NIPAL2: variants seen among roughly 807,000 people sequenced by gnomAD.
The protein encoded by NIPAL2 is NIPA like domain containing 2.
Under a neutral mutation model 48.9 loss-of-function variants are expected in NIPAL2, and 43 were observed. The ratio of observed to expected loss-of-function variants is 0.88; its 90% confidence interval spans 0.69 to 1.13. The LOEUF (loss-of-function observed/expected upper bound fraction) is 1.13. Among genes scored for constraint, NIPAL2 ranks in the 50% most tolerant of loss-of-function variants. NIPAL2 has a pLI of 0.00. For synonymous variants in NIPAL2, 167 were observed against 174.6 expected, an observed-to-expected ratio of 0.96 and a Z score of 0.34; for missense variants, 446 against 461.4, an observed-to-expected ratio of 0.97 and a Z score of 0.31.
chr8:98,253,667 C>T (rs1166813389), intron 2 of NIPAL2, among the ~76,000 whole-genome samples: 3 of 152,092 alleles, frequency 2.0e-5, no homozygotes, highest in Admixed American at 1.3e-4. Flanking sequence ...TAAAAAGTGT[C>T]CGAATCCCAT....
chr8:98,215,536 G>GAGAATCC (rs1811531321), intron 5 of NIPAL2, among the ~76,000 whole-genome samples: 1 of 152,154 alleles, frequency 6.6e-6, no homozygotes, highest in Non-Finnish European at 1.5e-5. Context: ...AGAGCTTCCT[G>GAGAATCC]TTACGAATTC....
intron 10 of NIPAL2, among the ~76,000 whole-genome samples, chr8:98,194,274 G>C (rs1810440497): frequency 6.6e-6 from 1 of 152,060 alleles, no homozygotes; most frequent in Non-Finnish European, 1.5e-5. Context: ...GGTGAGGAAG[G>C]GGGAAGAAAC....
At chr8:98,253,557 C>T (rs1705520621) in intron 2 of NIPAL2, among the ~76,000 whole-genome samples, 1 of 152,126 alleles carries the variant, frequency 6.6e-6, no homozygotes. Flanking sequence ...TTGTATTCTA[C>T]ATTCTTTCCT....
chr8:98,262,348 G>T (rs1234164194), intron 1 of NIPAL2, among the ~76,000 whole-genome samples: 4 of 148,510 alleles, frequency 2.7e-5, no homozygotes, highest in Non-Finnish European at 4.5e-5. Flanking sequence ...TGGATAAAGA[G>T]TCAAGACCCA....
intron 4 of NIPAL2, among the ~76,000 whole-genome samples, chr8:98,223,032 T>C (rs565389720): frequency 3.7e-4 from 57 of 152,198 alleles, no homozygotes; most frequent in African/African-American, 1.2e-3. Context: ...AGGGAAACTA[T>C]CACATGATGA....
chr8:98,232,567 A>T (rs967574760), intron 4 of NIPAL2, among the ~76,000 whole-genome samples: 1 of 152,196 alleles, frequency 6.6e-6, no homozygotes, highest in Non-Finnish European at 1.5e-5. Flanking sequence ...GAACTCATTT[A>T]ATCCTGTGAG....
At chr8:98,212,344 A>G (rs1811357666) in intron 6 of NIPAL2, 61 bp downstream of exon 6, 1 of 893,856 alleles carries the variant, frequency 1.1e-6, no homozygotes, top group African/African-American at 1.7e-5. Flanking sequence ...TTTTCCTTCA[A>G]ACCTCATTTA....
intron 8 of NIPAL2, among the ~76,000 whole-genome samples, chr8:98,196,837 C>G (rs909189861): frequency 1.3e-5 from 2 of 152,212 alleles, no homozygotes; most frequent in African/African-American, 4.8e-5. Flanking sequence ...AGACAGAGAC[C>G]TATCCTCAAG....
chr8:98,248,992 A>G (rs1586398043), intron 3 of NIPAL2, among the ~76,000 whole-genome samples: 1 of 152,200 alleles, frequency 6.6e-6, no homozygotes, highest in Non-Finnish European at 1.5e-5. Flanking sequence ...CTCTAGCACA[A>G]TGTGACTGCC....
intron 1 of NIPAL2, among the ~76,000 whole-genome samples, chr8:98,292,520 C>A (rs1011986497): frequency 6.6e-6 from 1 of 152,160 alleles, no homozygotes; most frequent in African/African-American, 2.4e-5. Flanking sequence ...CTAACCTGTA[C>A]AAATACACAC....
intron 1 of NIPAL2, among the ~76,000 whole-genome samples, chr8:98,290,605 A>C (rs932955158): frequency 6.6e-6 from 1 of 152,246 alleles, no homozygotes; most frequent in Non-Finnish European, 1.5e-5. Flanking sequence ...AGAGGAATTA[A>C]GTGACTTGTC....
chr8:98,203,819 T>C (rs1375328386), intron 7 of NIPAL2, among the ~76,000 whole-genome samples: 3 of 149,972 alleles, frequency 2.0e-5, no homozygotes, highest in East Asian at 2.0e-4. Context: ...TCTAGAGAAA[T>C]TGAAAAAAGT....
At chr8:98,207,451 T>A (rs1460703686) in intron 6 of NIPAL2, among the ~76,000 whole-genome samples, 9 of 152,086 alleles carry the variant, frequency 5.9e-5, no homozygotes, top group Admixed American at 5.2e-4. Context: ...AATACATAAT[T>A]GTAATGCAGT....
At chr8:98,287,276 C>T (rs577599276) in intron 1 of NIPAL2, among the ~76,000 whole-genome samples, 4 of 152,286 alleles carry the variant, frequency 2.6e-5, no homozygotes, top group Admixed American at 6.5e-5. Context: ...CAGTGCTACA[C>T]GCACCACCTT....
intron 4 of NIPAL2, among the ~76,000 whole-genome samples, chr8:98,231,159 C>T (rs904702571): frequency 1.3e-5 from 2 of 152,276 alleles, no homozygotes; most frequent in South Asian, 4.2e-4. Context: ...CCCATAAGTA[C>T]AGTCTCTCTG....
In NIPAL2 at chr8:98,252,480, C is replaced by T; in HGVS notation, c.359G>A (p.Gly120Asp). ...TGGCTTACCTGTAACAGACACACAG[C>T]CTAACGGAGCGATCAGAGTAATGGG... is the stretch of plus-strand genomic sequence containing the variant. ...FAPITLIAPLGCVSVTGSAII... is the reference protein window; with the variant it reads ...FAPITLIAPLDCVSVTGSAII... The change falls in exon 3 of 11, where the codon GGC (glycine) becomes GAC (aspartate). Residue 120 changes from glycine to aspartate, a missense_variant. Gly to Asp is a moderately conservative substitution (Grantham distance 94). Transcript: ENST00000430223. 1 of 1,612,226 alleles carries T rather than the reference C, an allele frequency of 6.2e-7. No homozygotes were observed. The highest frequency in any genetic ancestry group is 8.5e-7 in the Non-Finnish European group (1 of 1,179,324).
At chr8:98,225,180 A>C (rs748475828) in intron 4 of NIPAL2, among the ~76,000 whole-genome samples, 1 of 152,112 alleles carries the variant, frequency 6.6e-6, no homozygotes, top group Non-Finnish European at 1.5e-5. Flanking sequence ...AATAATTTTT[A>C]TTTCAGCTAT....
rs1158217647 is a variant in NIPAL2 at position 98,203,174 on chromosome 8, G to T, written c.814C>A (p.Leu272Ile). The T allele has an allele frequency of 6.2e-7, 1 of 1,614,070 alleles. No homozygotes were observed. Among genetic ancestry groups the T allele is most frequent in the Non-Finnish European group, 8.5e-7 (1 of 1,179,932 alleles). The part of the protein sequence containing the change: ...QVKFLNQATK[L>I]YNTTTVVPVN... ...GGCACCACTGTTGTCGTATTGTAGAGTTTCGTGGCTTGATTCAGGAACCTA... is the reference window on the plus strand; with the variant it reads ...GGCACCACTGTTGTCGTATTGTAGATTTTCGTGGCTTGATTCAGGAACCTA... The change falls in exon 8 of 11, where the codon CTC becomes ATC. Residue 272 changes from leucine (L) to isoleucine (I), a missense_variant. Coordinates refer to ENST00000430223, the MANE Select transcript of NIPAL2 (RefSeq NM_001321635.2).
Position 98,193,187 on chromosome 8 carries a change from C to CTG in NIPAL2, c.1040-98_1040-97insCA. 2.7e-6 allele frequency: 3 copies of CTG among 1,119,538 alleles called. No individual in the cohort carries two copies. In the Admixed American group the frequency reaches 5.3e-5, roughly 20 times the overall value. 69.4% of individuals were successfully genotyped at this position (1,119,538 alleles called of 1,614,324 possible). A position where few individuals can be genotyped will look rare whatever the true frequency, so the allele number is the denominator to read the frequency against. Reference sequence around the variant, plus strand: ...ATCTAGGCCACATTTTATCACCTCTCTTTTATACTATGTGGGCACTCTCTA... The same window carrying CTG: ...ATCTAGGCCACATTTTATCACCTCTCTGTTTTATACTATGTGGGCACTCTCTA... On this transcript the variant is annotated intron_variant, in intron 10 of 10. Coordinates refer to ENST00000430223, the MANE Select transcript of NIPAL2 (RefSeq NM_001321635.2).
Sources: gnomAD v4.1 joint callset for allele counts (sites outside exome capture counted in the v4.1 genomes callset) on GRCh38, gnomAD v4.1.1 for gene constraint, MANE v1.5 for transcripts, NCBI Gene and HGNC (gene_info 2026-07-23, HGNC 2026-07-21) for gene names.